Variants in SLC25A42 observed in about 807,000 individuals in gnomAD.
SLC25A42 encodes the protein mitochondrial coenzyme A transporter SLC25A42.
Under a neutral mutation model 34.7 loss-of-function variants are expected in SLC25A42, and 19 were observed. The observed-to-expected ratio is 0.55, with a 90% CI of 0.38 to 0.80. SLC25A42 has a LOEUF of 0.80. Ranked by LOEUF, SLC25A42 falls within the 30% of genes least tolerant of loss-of-function variation. The pLI is 0.00. For synonymous variants in SLC25A42, 205 were observed against 191.2 expected, an observed-to-expected ratio of 1.07 and a Z score of -0.59; for missense variants, 364 against 441.3, an observed-to-expected ratio of 0.82 and a Z score of 1.57.
At chr19:19,101,693 G>A in intron 2 of SLC25A42, 88 bp from the exon 3 acceptor site, 1 of 1,196,274 alleles carries the variant, frequency 8.4e-7, no homozygotes. Flanking sequence ...CCCCGGCCCA[G>A]AGGGTGTAAG....
chr19:19,102,048 A>T (rs2059800093), intron 3 of SLC25A42, among the ~76,000 whole-genome samples, 162 bp downstream of exon 3: 1 of 151,288 alleles, frequency 6.6e-6, no homozygotes, highest in Admixed American at 6.6e-5. Context: ...TCGCTCTGTC[A>T]CCCAGGCTGG....
At position 19,108,026 on chromosome 19, in the gene SLC25A42, G is replaced by A. The variant is rs759825465; in HGVS notation, c.630G>A (p.Thr210=). ...GCCTGAGCTTCTTCACCTATGAGAC[G>A]CTCAAGAGCTTGCACAGAGGTAAGG... is the stretch of plus-strand genomic sequence containing the variant. ...YAGLSFFTYE[T]LKSLHREYSG... Residue 210 remains threonine, a synonymous_variant, in exon 7 of 8, where the codon ACG becomes ACA. Transcript: ENST00000318596. The A allele has an allele frequency of 2.4e-5, 38 of 1,594,626 alleles. No individual in the cohort carries two copies. The highest frequency in any genetic ancestry group is 7.9e-5 in the South Asian group (7 of 88,462).
chr19:19,112,892 C>G lies in SLC25A42; in HGVS notation c.*2016C>G, dbSNP rs1238151216. 6.5e-6 allele frequency: 1 copy of G among 152,786 alleles called. No homozygotes were observed. The highest frequency in any genetic ancestry group is 1.5e-5 in the Non-Finnish European group (1 of 68,130). 9.5% of individuals were successfully genotyped at this position (152,786 alleles called of 1,614,324 possible). On this transcript the variant is annotated 3_prime_UTR_variant, in exon 8 of 8. Transcript: ENST00000318596. The surrounding 1 kb of genome is among the most constrained non-coding windows in gnomAD (Gnocchi z 4.3). The stretch of plus-strand genomic sequence containing the variant: ...AATAAAAACTTAAATGACTTCTTCT[C>G]CTGCTCCTGGCTCTTCTTTGGCTCT...
chr19:19,106,097 C>T (rs1422200951), intron 5 of SLC25A42, 172 bp from the exon 6 acceptor site: 4 of 606,104 alleles, frequency 6.6e-6, no homozygotes, highest in Non-Finnish European at 1.2e-5. Context: ...AAAATGAGGC[C>T]CACTCCAGAG....
In SLC25A42 at chr19:19,108,051, G is replaced by C; in HGVS notation, c.649+6G>C. ...GCTCAAGAGCTTGCACAGAGGTAAG[G>C]AGAGCTGGGAGCATGAGGAGGGGAC... On this transcript the variant is annotated splice_donor_region_variant and intron_variant, in intron 7 of 7. Transcript: ENST00000318596. The C allele has an allele frequency of 6.5e-7, 1 of 1,549,628 alleles. No individual in the cohort carries two copies. The highest frequency in any genetic ancestry group is 1.2e-5 in the South Asian group (1 of 82,514).
At chr19:19,074,598 C>T (rs1290293746) in intron 1 of SLC25A42, among the ~76,000 whole-genome samples, 1 of 152,102 alleles carries the variant, frequency 6.6e-6, no homozygotes, top group Non-Finnish European at 1.5e-5. Context: ...ACAGCATAAA[C>T]GGTGGGCCTG....
intron 1 of SLC25A42, among the ~76,000 whole-genome samples, chr19:19,069,991 A>G (rs117406967): frequency 2.1e-3 from 312 of 151,284 alleles, no homozygotes; most frequent in Non-Finnish European, 4.0e-3. Context: ...ACATCCAGCT[A>G]ATTTTATTTT....
chr19:19,095,091 C>T (rs1167035326), intron 1 of SLC25A42, among the ~76,000 whole-genome samples: 2 of 151,950 alleles, frequency 1.3e-5, no homozygotes, highest in African/African-American at 2.4e-5. Context: ...ATCCCAGGTA[C>T]TTGAGAGGCT....
Position 19,102,105 on chromosome 19 carries a change from T to C in SLC25A42, c.187+219T>C, listed in dbSNP as rs553399891. ...CTCACCGCAAGCTCTGCCTCCCGGG[T>C]TCACGCCATTCTCCTGCCTCAGCCT... On this transcript the variant is annotated intron_variant, in intron 3 of 7. Coordinates refer to ENST00000318596, the MANE Select transcript of SLC25A42 (RefSeq NM_178526.5). Among the ~76,000 whole-genome samples, 14 of 151,558 alleles carry C rather than the reference T, an allele frequency of 9.2e-5. No individual in the cohort carries two copies. In the East Asian group the frequency reaches 2.7e-3, roughly 30 times the overall value.
intron 1 of SLC25A42, among the ~76,000 whole-genome samples, chr19:19,076,643 G>A (rs913837633): frequency 2.6e-5 from 4 of 152,176 alleles, no homozygotes; most frequent in African/African-American, 9.7e-5. Flanking sequence ...GTGTGGCAGA[G>A]GTGTTTTGTT....
At position 19,107,891 on chromosome 19, in the gene SLC25A42, C is replaced by T. The variant is rs1296224629; in HGVS notation, c.498-3C>T. 6.2e-7 allele frequency: 1 copy of T among 1,614,012 alleles called. No homozygotes were observed. Among genetic ancestry groups the T allele is most frequent in the Non-Finnish European group, 8.5e-7 (1 of 1,179,986 alleles). ...CACCTGCTGGGCTGCTCTGTCCTGG[C>T]AGGTACAGCAACATCTTTCATGTCT... On this transcript the variant is annotated splice_polypyrimidine_tract_variant and splice_region_variant and intron_variant, in intron 6 of 7. Coordinates refer to ENST00000318596, the MANE Select transcript of SLC25A42 (RefSeq NM_178526.5).
At chr19:19,108,067 A>T in intron 7 of SLC25A42, 22 bp downstream of exon 7, 2 of 1,534,842 alleles carry the variant, frequency 1.3e-6, no homozygotes, top group Non-Finnish European at 1.8e-6. Context: ...TGGGAGCATG[A>T]GGAGGGGACG....
At chr19:19,103,706 C>T (rs192719169) in intron 3 of SLC25A42, among the ~76,000 whole-genome samples, 1,827 of 152,278 alleles carry the variant, frequency 0.012, 25 homozygotes, top group Non-Finnish European at 0.017. Flanking sequence ...GCCCTCTGCC[C>T]CTCAGCTGTT....
chr19:19,065,826 G>A (rs1167603070), intron 1 of SLC25A42, among the ~76,000 whole-genome samples: 1 of 152,138 alleles, frequency 6.6e-6, no homozygotes, highest in Non-Finnish European at 1.5e-5. Context: ...ATGTACATGT[G>A]TATAAACTTT....
chr19:19,103,639 C>T (rs1287880628), intron 3 of SLC25A42, among the ~76,000 whole-genome samples: 3 of 152,210 alleles, frequency 2.0e-5, no homozygotes, highest in East Asian at 3.8e-4. Context: ...CCTTTGCCCC[C>T]TTCAAACAGT....
chr19:19,101,943 T>C (rs2059798990), intron 3 of SLC25A42, 57 bp downstream of exon 3: 1 of 1,163,748 alleles, frequency 8.6e-7, no homozygotes, highest in Non-Finnish European at 1.3e-6. Context: ...ACCTCCTCCT[T>C]CATGGCCCCC....
chr19:19,072,454 T>G (rs1466885937), intron 1 of SLC25A42, among the ~76,000 whole-genome samples: 1 of 150,658 alleles, frequency 6.6e-6, no homozygotes, highest in Non-Finnish European at 1.5e-5. Context: ...CTTGGCTCAC[T>G]GCAGTCTCTG....
intron 1 of SLC25A42, among the ~76,000 whole-genome samples, chr19:19,087,076 C>T (rs142519201): frequency 7.9e-5 from 12 of 152,172 alleles, no homozygotes; most frequent in African/African-American, 1.9e-4. Flanking sequence ...ACTTGCCTTC[C>T]GTAACTGTAA....
intron 3 of SLC25A42, among the ~76,000 whole-genome samples, chr19:19,102,966 C>T (rs2059806244): frequency 6.6e-6 from 1 of 152,118 alleles, no homozygotes; most frequent in South Asian, 2.1e-4. Flanking sequence ...CTTGCTTCTT[C>T]CGGCTTCTGG....
Sources: gnomAD v4.1 joint callset for allele counts (sites outside exome capture counted in the v4.1 genomes callset) on GRCh38, gnomAD v4.1.1 for gene constraint, Gnocchi (gnomAD v3.1) non-coding constraint, MANE v1.5 for transcripts, NCBI Gene and HGNC (gene_info 2026-07-23, HGNC 2026-07-21) for gene names.